ARL15: variants seen among roughly 807,000 people sequenced by gnomAD.
ARL15 encodes ARF like GTPase 15.
A neutral mutation model predicts 25.2 loss-of-function variants in ARL15; 19 were observed. That is an observed-to-expected ratio of 0.75 (90% CI 0.53 to 1.10). The LOEUF (loss-of-function observed/expected upper bound fraction) is 1.10, where lower values mean the gene tolerates loss of function less well. ARL15 is among the 50% of genes least tolerant of loss of function. The probability of loss-of-function intolerance (pLI) is 0.00; values close to 1 mark genes in which losing one functional copy is unlikely to be tolerated. For missense variants in ARL15, 220 were observed against 246.0 expected, an observed-to-expected ratio of 0.89 and a Z score of 0.71; for synonymous variants, 94 against 86.8, an observed-to-expected ratio of 1.08 and a Z score of -0.46.
At chr5:53,926,076 C>A (rs76881060) in intron 4 of ARL15, among the ~76,000 whole-genome samples, 3 of 148,102 alleles carry the variant, frequency 2.0e-5, no homozygotes, top group African/African-American at 7.5e-5. Context: ...GATACATCAT[C>A]GCAATCCAAG....
chr5:54,113,593 C>T (rs1430776764), intron 3 of ARL15, among the ~76,000 whole-genome samples, 183 bp from the exon 4 acceptor site: 4 of 152,130 alleles, frequency 2.6e-5, no homozygotes, highest in Admixed American at 1.3e-4. Context: ...ACAAAGAAGG[C>T]AGTAGAGCCA....
chr5:54,030,048 G>A (rs1749927062), intron 4 of ARL15, among the ~76,000 whole-genome samples: 1 of 152,132 alleles, frequency 6.6e-6, no homozygotes, highest in African/African-American at 2.4e-5. Flanking sequence ...GGTAGTGTGT[G>A]TCTGTAGTCT....
At chr5:54,043,819 T>A (rs1255583463) in intron 4 of ARL15, among the ~76,000 whole-genome samples, 1 of 149,754 alleles carries the variant, frequency 6.7e-6, no homozygotes, top group East Asian at 2.0e-4. Flanking sequence ...AATTCTAGCC[T>A]CGGGAACATG....
At chr5:54,090,250 A>G (rs1362905381) in intron 4 of ARL15, among the ~76,000 whole-genome samples, 1 of 152,208 alleles carries the variant, frequency 6.6e-6, no homozygotes. Flanking sequence ...AAAGACGAAT[A>G]AACCATAGCC....
chr5:54,070,514 A>T (rs1273656993), intron 4 of ARL15, among the ~76,000 whole-genome samples: 11 of 151,796 alleles, frequency 7.2e-5, no homozygotes, highest in Non-Finnish European at 1.5e-4. Flanking sequence ...TGGCTCCTCC[A>T]CCTTGGGCTT....
At chr5:54,197,850 G>T (rs1296576606) in intron 1 of ARL15, among the ~76,000 whole-genome samples, 1 of 152,042 alleles carries the variant, frequency 6.6e-6, no homozygotes, top group African/African-American at 2.4e-5. Context: ...CAAAAAAAGA[G>T]AATTTATACC....
chr5:54,067,379 A>G (rs975809826), intron 4 of ARL15, among the ~76,000 whole-genome samples: 4 of 152,238 alleles, frequency 2.6e-5, no homozygotes, highest in South Asian at 2.1e-4. Flanking sequence ...TATTTGTACT[A>G]ACAGATTACC....
intron 4 of ARL15, among the ~76,000 whole-genome samples, chr5:53,889,019 A>G (rs702614): frequency 0.1 from 15,681 of 152,230 alleles, 1,129 homozygotes; most frequent in Admixed American, 0.22. Context: ...AATCTAGTAC[A>G]TAAAGGAAGT....
At chr5:54,026,420 C>T (rs1160550728) in intron 4 of ARL15, among the ~76,000 whole-genome samples, 2 of 152,212 alleles carry the variant, frequency 1.3e-5, no homozygotes, top group East Asian at 1.9e-4. Context: ...CAGGTGTGCA[C>T]CACAATGCCC....
At chr5:54,209,636 A>G (rs944730671) in intron 1 of ARL15, among the ~76,000 whole-genome samples, 2 of 152,114 alleles carry the variant, frequency 1.3e-5, no homozygotes, top group African/African-American at 4.8e-5. Flanking sequence ...CACAAGTAGT[A>G]CCATTCTTTT....
chr5:53,991,567 GGC>G (rs1561179592), intron 4 of ARL15, among the ~76,000 whole-genome samples: 4 of 145,212 alleles, frequency 2.8e-5, no homozygotes, highest in Non-Finnish European at 4.5e-5. Context: ...AAAAAGGGGG[GGC>G]GGGGGGCAAT....
chr5:54,231,847 T>C lies in ARL15; in HGVS notation c.49-59919A>G, dbSNP rs1026357335. 3.9e-5 allele frequency among the ~76,000 whole-genome samples: 6 copies of C among 152,252 alleles called. No homozygotes were observed. In the East Asian group the frequency reaches 9.7e-4, roughly 25 times the overall value. The stretch of plus-strand genomic sequence containing the variant: ...AGATTAGGGCCCCACTTTTAAGACC[T>C]CATTTAACCCTAATTCCCTCCATAT... On this transcript the variant is annotated intron_variant, in intron 1 of 4. Coordinates refer to ENST00000504924, the MANE Select transcript of ARL15 (RefSeq NM_019087.3).
intron 2 of ARL15, among the ~76,000 whole-genome samples, 151 bp from the exon 3 acceptor site, chr5:54,154,790 A>T (rs1182049547): frequency 5.3e-5 from 8 of 152,204 alleles, no homozygotes; most frequent in Non-Finnish European, 1.5e-5. Context: ...TTTCCAAGGT[A>T]AACTGATAAC....
At chr5:54,215,110 T>TAATCAGA (rs1191656985) in intron 1 of ARL15, among the ~76,000 whole-genome samples, 1 of 152,138 alleles carries the variant, frequency 6.6e-6, no homozygotes, top group Non-Finnish European at 1.5e-5. Context: ...GGAGGAGGCC[T>TAATCAGA]TTCCCTAATC....
intron 1 of ARL15, among the ~76,000 whole-genome samples, chr5:54,283,225 C>T (rs780858021): frequency 6.6e-6 from 1 of 152,176 alleles, no homozygotes; most frequent in Non-Finnish European, 1.5e-5. Context: ...ACCAAGAAGT[C>T]GCATCAGACC....
intron 4 of ARL15, among the ~76,000 whole-genome samples, chr5:54,081,149 A>G (rs1006556803): frequency 2.6e-5 from 4 of 152,314 alleles, no homozygotes; most frequent in East Asian, 1.9e-4. Context: ...AAGTTGGTCC[A>G]TAACTTAAAT....
chr5:54,020,471 T>TAGTGGGTAACCCAGACATC (rs1278382131), intron 4 of ARL15, among the ~76,000 whole-genome samples: 2 of 152,112 alleles, frequency 1.3e-5, no homozygotes, highest in African/African-American at 4.8e-5. Context: ...AACAAAGACT[T>TAGTGGGTAACCCAGACATC]AGTGGGTAAC....
chr5:54,279,669 A>G (rs964958257), intron 1 of ARL15, among the ~76,000 whole-genome samples: 2 of 152,192 alleles, frequency 1.3e-5, no homozygotes, highest in Non-Finnish European at 2.9e-5. Context: ...GCCGATTTTT[A>G]TCTGCCTTGG....
intron 3 of ARL15, among the ~76,000 whole-genome samples, chr5:54,114,112 G>A (rs1752820447): frequency 6.6e-6 from 1 of 152,014 alleles, no homozygotes; most frequent in African/African-American, 2.4e-5. Context: ...CAAACATATG[G>A]AGAGGCTGGG....
Sources: allele counts gnomAD v4.1 joint callset (sites outside exome capture counted in the v4.1 genomes callset), GRCh38; gene constraint gnomAD v4.1.1; transcripts MANE v1.5; gene names NCBI Gene and HGNC (gene_info 2026-07-23, HGNC 2026-07-21).